FLNC: variants seen among roughly 807,000 people sequenced by gnomAD.
The protein encoded by FLNC is filamin-C.
FLNC carries 91 observed loss-of-function variants against 254.3 expected under a neutral mutation model. The observed-to-expected ratio is 0.36, with a 90% CI of 0.30 to 0.43. The LOEUF (loss-of-function observed/expected upper bound fraction) is 0.43, where lower values mean the gene tolerates loss of function less well. Among genes scored for constraint, FLNC ranks in the 20% least tolerant of loss-of-function variants. FLNC has a pLI of 1.00. For missense variants in FLNC, 2,853 were observed against 3,802.6 expected, an observed-to-expected ratio of 0.75 and a Z score of 6.57; for synonymous variants, 1,430 against 1,577.2, an observed-to-expected ratio of 0.91 and a Z score of 2.21.
At position 128,853,639 on chromosome 7, in the gene FLNC, G is replaced by A; in HGVS notation, c.6361+18G>A. 6.2e-7 allele frequency: 1 copy of A among 1,614,040 alleles called. No individual in the cohort carries two copies. The highest frequency in any genetic ancestry group is 8.5e-7 in the Non-Finnish European group (1 of 1,180,016). ...CGTGCCTGGTAAGGCTCTGGGCAGA[G>A]GTCGGTGGCGAGAGACAGGGAGGCC... On this transcript the variant is annotated intron_variant, in intron 38 of 47. Coordinates refer to ENST00000325888, the MANE Select transcript of FLNC (RefSeq NM_001458.5).
intron 32 of FLNC, 135 bp downstream of exon 32, chr7:128,850,618 G>A: frequency 8.4e-7 from 1 of 1,197,488 alleles, no homozygotes; most frequent in Non-Finnish European, 1.2e-6. Context: ...CAGCAAGTTG[G>A]GCAGAGCCAG....
Position 128,848,649 on chromosome 7 carries a change from A to G in FLNC, c.4669A>G (p.Ser1557Gly). Reference protein sequence around the residue: ...PGLNASGIPASLPVEFTIDAR... With the variant: ...PGLNASGIPAGLPVEFTIDAR... ...CCTCAACGCCTCTGGCATCCCTGCCAGCCTGCCTGTGGAGTTCACCATCGA... is the reference window on the plus strand; with the variant it reads ...CCTCAACGCCTCTGGCATCCCTGCCGGCCTGCCTGTGGAGTTCACCATCGA... Residue 1557 changes from serine to glycine, a missense_variant, in exon 27 of 48, where the codon AGC becomes GGC. Physicochemically the swap from Ser to Gly is moderately conservative, Grantham distance 56. This residue lies in a region of FLNC where 1,573 missense variants were observed against 1,883.5 expected (regional missense o/e 0.84). Coordinates refer to ENST00000325888, the MANE Select transcript of FLNC (RefSeq NM_001458.5). 6.2e-7 allele frequency: 1 copy of G among 1,613,664 alleles called. No homozygotes were observed. Among genetic ancestry groups the G allele is most frequent in the Non-Finnish European group, 8.5e-7 (1 of 1,180,010 alleles).
chr7:128,845,903 G>A, intron 21 of FLNC, 87 bp from the exon 22 acceptor site: 1 of 1,186,308 alleles, frequency 8.4e-7, no homozygotes, highest in Non-Finnish European at 1.2e-6. Context: ...GAGAGGGAGA[G>A]GAGAGGGAAA....
Position 128,854,779 on chromosome 7 carries a change from G to T in FLNC, c.7002G>T (p.Glu2334Asp). The T allele has an allele frequency of 6.2e-7, 1 of 1,614,134 alleles. No individual in the cohort carries two copies. Among genetic ancestry groups the T allele is most frequent in the Non-Finnish European group, 8.5e-7 (1 of 1,180,040 alleles). The change falls in exon 42 of 48, where the codon GAG becomes GAT. Residue 2334 changes from glutamate to aspartate, a missense_variant. Around this residue, in one of 10 missense-constraint regions of FLNC, gnomAD observed 551 missense variants for 835.0 expected, o/e 0.66. Coordinates refer to ENST00000325888, the MANE Select transcript of FLNC (RefSeq NM_001458.5). ...LERGVAGVPA[E>D]FSIWTREAGA... The stretch of plus-strand genomic sequence containing the variant: ...CACTACCTTGCCTGTCCCCAGCCGA[G>T]TTCAGCATCTGGACCCGGGAGGCTG...
Position 128,846,412 on chromosome 7 carries a change from G to T in FLNC, c.4076G>T (p.Gly1359Val). ...DPTRVRAFGP[G>V]LEGGLVNKAN... is the part of the protein sequence containing the mutation. ...ACCCGCGTCCGAGCCTTCGGGCCAG[G>T]CCTGGAGGGTGGCTTGGTCAACAAG... is the stretch of plus-strand genomic sequence containing the variant. Residue 1359 changes from glycine (G) to valine (V), a missense_variant, in exon 23 of 48, where the codon GGC (glycine) becomes GTC (valine). By Grantham distance (109) the Gly-to-Val change is moderately radical (BLOSUM62 -3). Coordinates refer to ENST00000325888, the MANE Select transcript of FLNC (RefSeq NM_001458.5). The T allele has an allele frequency of 1.2e-6, 2 of 1,607,982 alleles. No homozygotes were observed. Among genetic ancestry groups the T allele is most frequent in the Non-Finnish European group, 1.7e-6 (2 of 1,180,004 alleles).
In FLNC at chr7:128,838,403, C is replaced by T. The variant is rs750881912; in HGVS notation, c.1184C>T (p.Pro395Leu). The change falls in exon 7 of 48, where the codon CCC (proline) becomes CTC (leucine). Residue 395 changes from proline to leucine, a missense_variant. By Grantham distance (98) the Pro-to-Leu change is moderately conservative (BLOSUM62 -3). Transcript: ENST00000325888. The stretch of plus-strand genomic sequence containing the variant: ...CCTGTGGGCAATGTGGCCAACAAAC[C>T]CACCTACTTTGACATCTACACTGCG... ...LEPVGNVANK[P>L]TYFDIYTAGA... 5.0e-6 allele frequency: 8 copies of T among 1,613,850 alleles called. No homozygotes were observed. The South Asian group carries it at 6.6e-5, about 13-fold the overall frequency.
In FLNC at chr7:128,830,866, C is replaced by G; in HGVS notation, c.229C>G (p.Leu77Val). 1 of 1,613,184 alleles carries G rather than the reference C, an allele frequency of 6.2e-7. No individual in the cohort carries two copies. The highest frequency in any genetic ancestry group is 1.1e-5 in the South Asian group (1 of 91,088). Residue 77 changes from leucine (L) to valine (V), a missense_variant, in exon 1 of 48, where the codon CTC becomes GTC. Around this residue, in one of 10 missense-constraint regions of FLNC, gnomAD observed 59 missense variants for 59.8 expected, o/e 0.99. Transcript: ENST00000325888. ...GLRLIALLEV[L>V]SQKRMYRKFH... is the part of the protein sequence containing the mutation. ...CCGGCTCATCGCGCTGCTCGAGGTG[C>G]TCAGCCAGAAGCGCATGTACCGCAA...
rs370042010 is a variant in FLNC, at chr7:128,846,071, G to A, written c.3872G>A (p.Arg1291His). The change falls in exon 22 of 48, where the codon CGT becomes CAT. Residue 1291 changes from arginine to histidine, a missense_variant. This residue lies in a region of FLNC where 1,573 missense variants were observed against 1,883.5 expected (regional missense o/e 0.84). Coordinates refer to ENST00000325888, the MANE Select transcript of FLNC (RefSeq NM_001458.5). ...TATGGNHVTARVLNPSGAKTD... is the reference protein window; with the variant it reads ...TATGGNHVTAHVLNPSGAKTD... ...ACAGGCGGCAACCACGTGACGGCTC[G>A]TGTGCTCAACCCCTCGGGGGCCAAG... The A allele has an allele frequency of 9.9e-5, 160 of 1,613,784 alleles. 1 individual carries two copies. The highest frequency in any genetic ancestry group is 4.9e-4 in the Middle Eastern group (3 of 6,084).
In FLNC at chr7:128,841,241, C is replaced by T. The variant is rs759376455; in HGVS notation, c.1885C>T (p.Arg629Trp). 2.1e-5 allele frequency: 34 copies of T among 1,613,972 alleles called. No individual in the cohort carries two copies. Among genetic ancestry groups the T allele is most frequent in the African/African-American group, 9.3e-5 (7 of 74,906 alleles). ...DDKGDGSCDV[R>W]YWPTEPGEYA... The stretch of plus-strand genomic sequence containing the variant: ...CAAGGGGGATGGCTCCTGCGATGTG[C>T]GGTACTGGCCCACGGAGCCTGGGGA... Residue 629 changes from arginine (R) to tryptophan (W), a missense_variant, in exon 12 of 48, where the codon CGG becomes TGG. Around this residue, in one of 10 missense-constraint regions of FLNC, gnomAD observed 1,573 missense variants for 1,883.5 expected, o/e 0.84. Transcript: ENST00000325888. This position sits in a 1 kb window ranked among gnomAD's most constrained non-coding sequence, Gnocchi z 4.3.
At chr7:128,851,674 C>T (rs748693931) in intron 35 of FLNC, 46 bp downstream of exon 35, 31 of 1,593,804 alleles carry the variant, frequency 1.9e-5, no homozygotes, top group Non-Finnish European at 2.6e-5. Context: ...GCACACACAC[C>T]GCATACAGTG....
In FLNC at chr7:128,842,063, C is replaced by G. The variant is rs1268023688; in HGVS notation, c.2122-168C>G. On this transcript the variant is annotated intron_variant, in intron 13 of 47. Transcript: ENST00000325888. The surrounding 1 kb of genome is among the most constrained non-coding windows in gnomAD (Gnocchi z 5.4). ...TTGAGTCAGGCTCCCAGGGTGGGCT[C>G]TGGCCGCCAGAGCACGTGGCCCTGG... Among the ~76,000 whole-genome samples the G allele has an allele frequency of 1.3e-5, 2 of 151,828 alleles. No individual in the cohort carries two copies. The highest frequency in any genetic ancestry group is 2.9e-5 in the Non-Finnish European group (2 of 67,968).
Position 128,846,175 on chromosome 7 carries a change from T to C in FLNC, c.3964+12T>C, listed in dbSNP as rs1207717693. The stretch of plus-strand genomic sequence containing the variant: ...CGCCTACGAGGAGGGTGAGGGCCGG[T>C]GGGCCAGGCTAGTGGGCAGGGCTGG... On this transcript the variant is annotated intron_variant, in intron 22 of 47. Transcript: ENST00000325888. The C allele has an allele frequency of 6.4e-7, 1 of 1,562,592 alleles. No homozygotes were observed. Among genetic ancestry groups the C allele is most frequent in the African/African-American group, 1.5e-5 (1 of 66,044 alleles).
chr7:128,835,521 G>A lies in FLNC; in HGVS notation c.548G>A (p.Arg183His), dbSNP rs747837803. The stretch of plus-strand genomic sequence containing the variant: ...CAGCTGCCCATCACCAACTTCAACC[G>A]TGACTGGCAGGACGGCAAAGCTCTG... ...VPQLPITNFN[R>H]DWQDGKALGA... The change falls in exon 2 of 48, where the codon CGT becomes CAT. Residue 183 changes from arginine to histidine, a missense_variant. Coordinates refer to ENST00000325888, the MANE Select transcript of FLNC (RefSeq NM_001458.5). This position sits in a 1 kb window ranked among gnomAD's most constrained non-coding sequence, Gnocchi z 5.3. 21 of 1,613,642 alleles carry A rather than the reference G, an allele frequency of 1.3e-5. No individual in the cohort carries two copies. Among genetic ancestry groups the A allele is most frequent in the South Asian group, 6.6e-5 (6 of 91,080 alleles).
chr7:128,833,868 A>AG (rs963226820), intron 1 of FLNC, among the ~76,000 whole-genome samples: 1 of 140,376 alleles, frequency 7.1e-6, no homozygotes, highest in Non-Finnish European at 1.6e-5. Context: ...AGCCAGGGGA[A>AG]GGGGGTGGGC....
rs1281411881 is a variant in FLNC at position 128,856,219 on chromosome 7, C to T, written c.7252-299C>T. 5.9e-5 allele frequency among the ~76,000 whole-genome samples: 9 copies of T among 152,114 alleles called. No individual in the cohort carries two copies. Among genetic ancestry groups the T allele is most frequent in the Non-Finnish European group, 1.2e-4 (8 of 67,942 alleles). ...ACACAGCCCATCAGGCACTTGCCCT[C>T]CGCCCTCAGCCTGCTTCACACAGAG... is the stretch of plus-strand genomic sequence containing the variant. On this transcript the variant is annotated intron_variant, in intron 43 of 47. Coordinates refer to ENST00000325888, the MANE Select transcript of FLNC (RefSeq NM_001458.5). The surrounding 1 kb of genome is among the most constrained non-coding windows in gnomAD (Gnocchi z 5.9).
chr7:128,842,745 T>A lies in FLNC; in HGVS notation c.2389+47T>A. The A allele has an allele frequency of 6.3e-7, 1 of 1,595,474 alleles. No homozygotes were observed. The highest frequency in any genetic ancestry group is 8.5e-7 in the Non-Finnish European group (1 of 1,172,132). Reference sequence around the variant, plus strand: ...GGGTCTGGGAGGGGGCGGGGGTGAGTCGAGTCGGGGGCTGAGCCCAACTCA... The same window carrying A: ...GGGTCTGGGAGGGGGCGGGGGTGAGACGAGTCGGGGGCTGAGCCCAACTCA... On this transcript the variant is annotated intron_variant, in intron 15 of 47. Coordinates refer to ENST00000325888, the MANE Select transcript of FLNC (RefSeq NM_001458.5). The surrounding 1 kb of genome is among the most constrained non-coding windows in gnomAD (Gnocchi z 5.4).
At position 128,847,903 on chromosome 7, in the gene FLNC, G is replaced by A. The variant is rs747367748; in HGVS notation, c.4456+39G>A. The A allele has an allele frequency of 5.6e-6, 9 of 1,613,774 alleles. No individual in the cohort carries two copies. In the South Asian group the frequency reaches 6.6e-5, roughly 12 times the overall value. ...GGGGCAGGGAGGAGGGAGGTGGGGC[G>A]GGACGCCCGGAGGCTCTGCTGACCC... On this transcript the variant is annotated intron_variant, in intron 25 of 47. Transcript: ENST00000325888.
At chr7:128,855,444 A>C in intron 43 of FLNC, 130 bp downstream of exon 43, 1 of 713,162 alleles carries the variant, frequency 1.4e-6, no homozygotes, top group South Asian at 1.5e-5. Flanking sequence ...CCCTTCTCAT[A>C]AGGCACGAGG....
intron 21 of FLNC, among the ~76,000 whole-genome samples, chr7:128,845,715 C>T (rs1808532226): frequency 6.6e-6 from 1 of 151,776 alleles, no homozygotes; most frequent in Non-Finnish European, 1.5e-5. Context: ...TGGTGGGTGA[C>T]TCAAGTGAAC....
Sources: gnomAD v4.1 joint callset for allele counts (sites outside exome capture counted in the v4.1 genomes callset) on GRCh38, gnomAD v4.1.1 for gene constraint, gnomAD v4.1.1 regional missense constraint, Gnocchi (gnomAD v3.1) non-coding constraint, MANE v1.5 for transcripts, NCBI Gene and HGNC (gene_info 2026-07-23, HGNC 2026-07-21) for gene names.